Variants in ATG14 observed in about 807,000 individuals in gnomAD.
The protein encoded by ATG14 is autophagy related 14.
Under a neutral mutation model 60.4 loss-of-function variants are expected in ATG14, and 35 were observed. That is an observed-to-expected ratio of 0.58 (90% CI 0.44 to 0.77). The LOEUF (loss-of-function observed/expected upper bound fraction) is 0.77, where lower values mean the gene tolerates loss of function less well. ATG14 is among the 30% of genes least tolerant of loss of function. The pLI, the probability that ATG14 is intolerant of heterozygous loss-of-function variation, is 0.00. For synonymous variants in ATG14, 234 were observed against 228.8 expected (o/e 1.02, Z -0.21); for missense variants, 647 against 626.3 (o/e 1.03, Z -0.35).
intron 1 of ATG14, among the ~76,000 whole-genome samples, chr14:55,406,298 G>C (rs968166186): frequency 1.3e-5 from 2 of 152,208 alleles, no homozygotes; most frequent in Admixed American, 6.5e-5. Context: ...TGCAGGCACA[G>C]ACGGTTTGGC....
intron 9 of ATG14, among the ~76,000 whole-genome samples, chr14:55,371,810 CA>C (rs1566576589): frequency 6.6e-6 from 1 of 150,566 alleles, no homozygotes; most frequent in East Asian, 2.0e-4. Context: ...TCTCAAAAAA[CA>C]AACAAAAAAA....
intron 3 of ATG14, among the ~76,000 whole-genome samples, chr14:55,391,471 T>TAAAAAAAG (rs1885216352): frequency 1.3e-5 from 1 of 75,790 alleles, no homozygotes; most frequent in Non-Finnish European, 3.0e-5. Flanking sequence ...TGAGACTCCA[T>TAAAAAAAG]AAAAAAAAAA....
Position 55,395,939 on chromosome 14 carries a change from C to A in ATG14, c.327+1G>T. 2 of 1,587,028 alleles carry A rather than the reference C, an allele frequency of 1.3e-6. No individual in the cohort carries two copies. Among genetic ancestry groups the A allele is most frequent in the Non-Finnish European group, 1.7e-6 (2 of 1,168,182 alleles). On this transcript the variant is annotated splice_donor_variant, in intron 3 of 9. Transcript: ENST00000247178. LOFTEE classifies it high-confidence loss of function. ...TAAAAAGAACATGTATTACAACTTA[C>A]CAACTGATCTGTTATCCATTTTCCT... is the stretch of plus-strand genomic sequence containing the variant.
Position 55,401,549 on chromosome 14 carries a change from A to T in ATG14, c.222-4115T>A, listed in dbSNP as rs574957057. Among the ~76,000 whole-genome samples, 11 of 152,364 alleles carry T rather than the reference A, an allele frequency of 7.2e-5. No individual in the cohort carries two copies. In the East Asian group the frequency reaches 1.9e-3, roughly 27 times the overall value. The stretch of plus-strand genomic sequence containing the variant: ...AGTCTTCTATATTATTCACTAAATT[A>T]TTCCATACTTATATGATTTGGGTTG... On this transcript the variant is annotated intron_variant, in intron 1 of 9. Transcript: ENST00000247178.
intron 4 of ATG14, among the ~76,000 whole-genome samples, chr14:55,389,823 T>C (rs1045821200): frequency 2.0e-5 from 3 of 152,260 alleles, no homozygotes; most frequent in Admixed American, 6.5e-5. Flanking sequence ...ACGAGTATTC[T>C]TGGGGCAAAT....
intron 7 of ATG14, among the ~76,000 whole-genome samples, chr14:55,379,851 A>G (rs560278136): frequency 3.3e-5 from 5 of 152,330 alleles, no homozygotes; most frequent in Admixed American, 1.3e-4. Context: ...GCCTCCAAAT[A>G]GCTGGGATAC....
At chr14:55,399,779 T>C (rs184299864) in intron 1 of ATG14, among the ~76,000 whole-genome samples, 8 of 152,318 alleles carry the variant, frequency 5.3e-5, no homozygotes, top group Admixed American at 3.3e-4. Context: ...AAATCAAATC[T>C]TGACTTCAGA....
At chr14:55,375,434 C>G (rs1884899196) in intron 9 of ATG14, among the ~76,000 whole-genome samples, 1 of 151,998 alleles carries the variant, frequency 6.6e-6, no homozygotes, top group African/African-American at 2.4e-5. Context: ...GCGACCCTCC[C>G]ACCTCAGCCT....
intron 1 of ATG14, among the ~76,000 whole-genome samples, chr14:55,406,964 C>CTTT (rs202011572): frequency 7.1e-6 from 1 of 141,456 alleles, no homozygotes; most frequent in Admixed American, 7.1e-5. Flanking sequence ...TTGAGATTGT[C>CTTT]TTTTTTTTTT....
Position 55,411,800 on chromosome 14 carries a change from C to T in ATG14, c.23G>A (p.Gly8Glu), listed in dbSNP as rs748190906. The T allele has an allele frequency of 3.1e-6, 5 of 1,598,432 alleles. No individual in the cohort carries two copies. In the Middle Eastern group the frequency reaches 7.3e-4, roughly 234 times the overall value. MASPSGK[G>E]ARALEAPGCG... ...GCCAGGAGCCTCCAGCGCCCGGGCT[C>T]CCTTCCCACTGGGAGACGCCATGAT... Residue 8 changes from glycine to glutamate, a missense_variant, in exon 1 of 10, where the codon GGA becomes GAA. By Grantham distance (98) the Gly-to-Glu change is moderately conservative. Coordinates refer to ENST00000247178, the MANE Select transcript of ATG14 (RefSeq NM_014924.5).
chr14:55,411,513 C>A, intron 1 of ATG14, 89 bp downstream of exon 1: 1 of 1,309,668 alleles, frequency 7.6e-7, no homozygotes, highest in South Asian at 1.4e-5. Flanking sequence ...ATCTGGTGCC[C>A]GGACGGGGAG....
At chr14:55,396,739 ATC>A (rs1885319996) in intron 2 of ATG14, among the ~76,000 whole-genome samples, 1 of 152,210 alleles carries the variant, frequency 6.6e-6, no homozygotes, top group Non-Finnish European at 1.5e-5. Flanking sequence ...TCTAGGGTGC[ATC>A]TAGGGAGCAG....
In ATG14 at chr14:55,402,964, T is replaced by TATATATAA. The variant is rs1233704845; in HGVS notation, c.222-5531_222-5530insTTATATAT. 2.1e-3 allele frequency among the ~76,000 whole-genome samples: 125 copies of TATATATAA among 59,710 alleles called. 1 individual carries two copies. The highest frequency in any genetic ancestry group is 3.4e-3 in the Non-Finnish European group (107 of 31,118). The allele number at this position is 59,710 out of a possible 152,430, so 39.2% of individuals were successfully genotyped here. ...ATATATATATATATATATATATATA[T>TATATATAA]ATATAAATAGCTGGGCATAGTGGTG... On this transcript the variant is annotated intron_variant, in intron 1 of 9. Coordinates refer to ENST00000247178, the MANE Select transcript of ATG14 (RefSeq NM_014924.5).
chr14:55,406,824 TA>T (rs1223883679), intron 1 of ATG14, among the ~76,000 whole-genome samples: 1 of 152,216 alleles, frequency 6.6e-6, no homozygotes, highest in Non-Finnish European at 1.5e-5. Flanking sequence ...CCCTGAACCC[TA>T]AAATTTCTTT....
intron 3 of ATG14, among the ~76,000 whole-genome samples, chr14:55,393,677 T>C (rs1363434862): frequency 6.6e-6 from 1 of 152,010 alleles, no homozygotes; most frequent in East Asian, 1.9e-4. Context: ...CCCAAGTAGC[T>C]GGGACTACAG....
At chr14:55,393,685 C>G (rs1461533791) in intron 3 of ATG14, among the ~76,000 whole-genome samples, 1 of 151,862 alleles carries the variant, frequency 6.6e-6, no homozygotes, top group Non-Finnish European at 1.5e-5. Context: ...GCTGGGACTA[C>G]AGGTATATAC....
At chr14:55,389,969 A>G (rs1343662065) in intron 4 of ATG14, among the ~76,000 whole-genome samples, 2 of 152,212 alleles carry the variant, frequency 1.3e-5, no homozygotes, top group Non-Finnish European at 1.5e-5. Context: ...GAAAAAAAAA[A>G]CAATATTCTG....
intron 3 of ATG14, 135 bp from the exon 4 acceptor site, chr14:55,391,127 G>GT (rs1350404539): frequency 2.5e-5 from 15 of 603,614 alleles, no homozygotes; most frequent in Middle Eastern, 4.6e-4. Context: ...TATAGCTTTT[G>GT]TAACTATGGA....
At chr14:55,381,700 A>G (rs1031956369) in intron 6 of ATG14, among the ~76,000 whole-genome samples, 1 of 152,258 alleles carries the variant, frequency 6.6e-6, no homozygotes, top group Non-Finnish European at 1.5e-5. Context: ...AGAACAGGCA[A>G]ATCTATAGAC....
Sources: allele counts gnomAD v4.1 joint callset (sites outside exome capture counted in the v4.1 genomes callset), GRCh38; gene constraint gnomAD v4.1.1; transcripts MANE v1.5; gene names NCBI Gene and HGNC (gene_info 2026-07-23, HGNC 2026-07-21).